KAZN: variants seen among roughly 807,000 people sequenced by gnomAD.
The protein encoded by KAZN is kazrin.
In KAZN, 40 loss-of-function variants were observed where a neutral mutation model predicts 87.4. The observed-to-expected ratio is 0.46, with a 90% CI of 0.36 to 0.60. The LOEUF is 0.60. Ranked by LOEUF, KAZN falls within the 20% of genes least tolerant of loss-of-function variation. The probability of loss-of-function intolerance (pLI) is 0.00; values close to 1 mark genes in which losing one functional copy is unlikely to be tolerated. For synonymous variants in KAZN, 466 were observed against 458.3 expected (o/e 1.02, Z -0.22); for missense variants, 898 against 1,073.9 (o/e 0.84, Z 2.29).
intron 5 of KAZN, among the ~76,000 whole-genome samples, chr1:15,059,143 C>G (rs1638559775): frequency 1.3e-5 from 2 of 149,102 alleles, no homozygotes. Flanking sequence ...TGCTGTGTTG[C>G]CCAGGCTGGT....
chr1:14,972,420 T>A (rs1185504028), intron 2 of KAZN, among the ~76,000 whole-genome samples: 1 of 152,030 alleles, frequency 6.6e-6, no homozygotes, highest in Non-Finnish European at 1.5e-5. Flanking sequence ...AAGGCGGCTG[T>A]GGACACAGGA....
At chr1:15,089,604 G>GA (rs1180577317) in intron 8 of KAZN, among the ~76,000 whole-genome samples, 1 of 151,914 alleles carries the variant, frequency 6.6e-6, no homozygotes, top group Non-Finnish European at 1.5e-5. Context: ...ACAGACATCA[G>GA]AAAAAAATAT....
chr1:14,848,492 GC>G (rs1649041450), intron 1 of KAZN, among the ~76,000 whole-genome samples: 1 of 152,200 alleles, frequency 6.6e-6, no homozygotes, highest in Non-Finnish European at 1.5e-5. Flanking sequence ...AAAAAATGAA[GC>G]CAATTATCAT....
intron 1 of KAZN, among the ~76,000 whole-genome samples, chr1:14,678,014 ACTGT>A (rs1466610209): frequency 2.0e-5 from 3 of 152,182 alleles, no homozygotes; most frequent in South Asian, 4.1e-4. Context: ...ATTGGGAGTG[ACTGT>A]CTGGTGTGGC....
intron 2 of KAZN, among the ~76,000 whole-genome samples, chr1:14,324,810 C>T (rs1403603322): frequency 6.6e-6 from 1 of 152,150 alleles, no homozygotes; most frequent in African/African-American, 2.4e-5. Flanking sequence ...TATCCTAAGA[C>T]TTACGGCTGC....
At chr1:14,020,134 A>G (rs7520101) in intron 1 of KAZN, among the ~76,000 whole-genome samples, 130,326 of 151,882 alleles carry the variant, frequency 0.86, 56,117 homozygotes, top group African/African-American at 0.9. Flanking sequence ...TAGGATTTGC[A>G]CTTCTGTGAT....
chr1:14,216,023 A>G (rs1646950382), intron 2 of KAZN, among the ~76,000 whole-genome samples: 1 of 152,226 alleles, frequency 6.6e-6, no homozygotes, highest in Non-Finnish European at 1.5e-5. Context: ...TGGCAGAAGA[A>G]GTTTTAAATA....
chr1:14,221,484 G>T (rs1052252018), intron 2 of KAZN, among the ~76,000 whole-genome samples: 1 of 152,006 alleles, frequency 6.6e-6, no homozygotes, highest in Non-Finnish European at 1.5e-5. Flanking sequence ...TAGATAAGTT[G>T]CCTCCGAGAA....
chr1:14,390,492 C>A (rs1662325116), intron 2 of KAZN, among the ~76,000 whole-genome samples: 1 of 152,184 alleles, frequency 6.6e-6, no homozygotes, highest in Non-Finnish European at 1.5e-5. Flanking sequence ...GAAAGCTGTG[C>A]AAATGTTTTG....
chr1:14,591,982 G>T (rs1676230297), intron 2 of KAZN, among the ~76,000 whole-genome samples: 1 of 152,110 alleles, frequency 6.6e-6, no homozygotes, highest in African/African-American at 2.4e-5. Context: ...AATAGGAGAA[G>T]GATAGCTGTT....
rs538916760 is a variant in KAZN, at chr1:15,094,957, G to A, written c.1547+24G>A. 6.7e-5 allele frequency: 101 copies of A among 1,507,346 alleles called. 1 individual carries two copies. The highest frequency in any genetic ancestry group is 3.9e-4 in the South Asian group (32 of 83,054). 93.4% of individuals were successfully genotyped at this position (1,507,346 alleles called of 1,614,324 possible). A position where few individuals can be genotyped will look rare whatever the true frequency, so the allele number is the denominator to read the frequency against. ...AGGTGAGCCCACCACGAGGGGCCCCGGGGGAGGAGAGAAAAAGTCATCCTG... is the reference window on the plus strand; with the variant it reads ...AGGTGAGCCCACCACGAGGGGCCCCAGGGGAGGAGAGAAAAAGTCATCCTG... On this transcript the variant is annotated intron_variant, in intron 10 of 14. Coordinates refer to ENST00000376030, the MANE Select transcript of KAZN (RefSeq NM_201628.3). This position sits in a 1 kb window ranked among gnomAD's most constrained non-coding sequence, Gnocchi z 4.5.
chr1:14,813,772 C>T (rs1257947852), intron 1 of KAZN, among the ~76,000 whole-genome samples: 1 of 152,156 alleles, frequency 6.6e-6, no homozygotes, highest in African/African-American at 2.4e-5. Context: ...TCTAGAATGG[C>T]TTGTCATGCA....
chr1:14,281,335 A>G (rs1652825886), intron 2 of KAZN, among the ~76,000 whole-genome samples: 1 of 152,238 alleles, frequency 6.6e-6, no homozygotes, highest in Non-Finnish European at 1.5e-5. Flanking sequence ...CAGCAATTTC[A>G]GTAATTACTT....
At chr1:14,731,199 C>T (rs1397704097) in intron 1 of KAZN, among the ~76,000 whole-genome samples, 3 of 152,078 alleles carry the variant, frequency 2.0e-5, no homozygotes, top group Non-Finnish European at 2.9e-5. Context: ...GAAGCACTGC[C>T]GAGTAATTAA....
At chr1:14,569,409 G>A (rs1308965997) in intron 2 of KAZN, among the ~76,000 whole-genome samples, 2 of 131,992 alleles carry the variant, frequency 1.5e-5, no homozygotes, top group Non-Finnish European at 3.1e-5. Context: ...TGCAATCTCC[G>A]CCTCCCAGGT....
chr1:15,085,174 A>G (rs6669703), intron 8 of KAZN, among the ~76,000 whole-genome samples: 1 of 151,714 alleles, frequency 6.6e-6, no homozygotes, highest in African/African-American at 2.4e-5. Context: ...AATGCAACGC[A>G]CAGAGATGAG....
chr1:15,036,479 C>CAA (rs1482252736), intron 3 of KAZN, among the ~76,000 whole-genome samples: 1 of 152,006 alleles, frequency 6.6e-6, no homozygotes, highest in East Asian at 1.9e-4. Flanking sequence ...CCATGCCTGT[C>CAA]ACAGGCAAAC....
At chr1:14,348,418 TTAAGACC>T (rs773005906) in intron 2 of KAZN, among the ~76,000 whole-genome samples, 1 of 152,172 alleles carries the variant, frequency 6.6e-6, no homozygotes, top group Non-Finnish European at 1.5e-5. Flanking sequence ...TCACACCTAG[TTAAGACC>T]ATAGGGATTT....
chr1:14,116,317 C>T (rs961640398), intron 1 of KAZN, among the ~76,000 whole-genome samples: 3 of 152,190 alleles, frequency 2.0e-5, no homozygotes, highest in African/African-American at 4.8e-5. Context: ...GGCCCAGGGT[C>T]CCCATGCTGT....
Sources: gnomAD v4.1 joint callset for allele counts (sites outside exome capture counted in the v4.1 genomes callset) on GRCh38, gnomAD v4.1.1 for gene constraint, Gnocchi (gnomAD v3.1) non-coding constraint, MANE v1.5 for transcripts, NCBI Gene and HGNC (gene_info 2026-07-23, HGNC 2026-07-21) for gene names.